Variants in RHOBTB1 observed in about 807,000 individuals in gnomAD.
RHOBTB1 encodes rho-related BTB domain-containing protein 1.
A neutral mutation model predicts 71.6 loss-of-function variants in RHOBTB1; 40 were observed. The ratio of observed to expected loss-of-function variants is 0.56; its 90% CI spans 0.43 to 0.73. RHOBTB1 has a LOEUF of 0.73. RHOBTB1 is among the 30% of genes least tolerant of loss of function. The probability of loss-of-function intolerance (pLI) is 0.00; values close to 1 mark genes in which losing one functional copy is unlikely to be tolerated. For synonymous variants in RHOBTB1, 319 were observed against 334.9 expected (o/e 0.95, Z 0.52); for missense variants, 797 against 894.0 (o/e 0.89, Z 1.38).
intron 2 of RHOBTB1, 85 bp from the exon 3 acceptor site, chr10:60,911,637 C>T (rs1478253464): frequency 1.8e-6 from 2 of 1,095,424 alleles, no homozygotes; most frequent in Admixed American, 1.8e-5. Flanking sequence ...GGAGTTTTGC[C>T]TTCGTCCAGC....
At chr10:60,954,139 T>C (rs987190737) in intron 2 of RHOBTB1, among the ~76,000 whole-genome samples, 16 of 152,306 alleles carry the variant, frequency 1.1e-4, no homozygotes, top group Middle Eastern at 6.8e-3. Context: ...GGTGAGAATA[T>C]AGACCATTGG....
intron 2 of RHOBTB1, among the ~76,000 whole-genome samples, chr10:60,964,651 T>C (rs193126513): frequency 6.6e-6 from 1 of 152,228 alleles, no homozygotes; most frequent in East Asian, 1.9e-4. Flanking sequence ...AATGTGTTAG[T>C]CATTGTTTAG....
At chr10:60,909,041 C>T (rs1015530231) in intron 4 of RHOBTB1, among the ~76,000 whole-genome samples, 2 of 152,232 alleles carry the variant, frequency 1.3e-5, no homozygotes, top group African/African-American at 2.4e-5. Context: ...CACTTTGAAC[C>T]GATGGAGTCA....
At chr10:60,880,203 G>T (rs1417720001) in intron 7 of RHOBTB1, among the ~76,000 whole-genome samples, 1 of 101,888 alleles carries the variant, frequency 9.8e-6, no homozygotes, top group Admixed American at 9.0e-5. Context: ...GTGTGTGTGT[G>T]AGAGAGAGAG....
chr10:60,887,440 C>T (rs2081640383), intron 6 of RHOBTB1, among the ~76,000 whole-genome samples: 2 of 152,238 alleles, frequency 1.3e-5, no homozygotes, highest in East Asian at 3.9e-4. Flanking sequence ...ACACACCAGC[C>T]CAGAGAACAA....
intron 2 of RHOBTB1, among the ~76,000 whole-genome samples, chr10:60,927,481 A>G (rs918106984): frequency 2.6e-5 from 4 of 152,208 alleles, no homozygotes; most frequent in African/African-American, 7.2e-5. Flanking sequence ...AAGCTATAGT[A>G]ACCAAAAAAG....
intron 4 of RHOBTB1, among the ~76,000 whole-genome samples, chr10:60,905,702 T>G (rs10994572): frequency 0.15 from 23,129 of 152,064 alleles, 1,932 homozygotes; most frequent in African/African-American, 0.2. Flanking sequence ...CCTGGTCCAC[T>G]TGAAGTTTCA....
intron 1 of RHOBTB1, among the ~76,000 whole-genome samples, chr10:60,999,796 GCTGA>G (rs1408856617): frequency 5.3e-5 from 8 of 152,220 alleles, no homozygotes; most frequent in Admixed American, 3.9e-4. Context: ...ATGAACCAGG[GCTGA>G]CTATTTCTTA....
chr10:60,955,458 A>G (rs945580154), intron 2 of RHOBTB1, among the ~76,000 whole-genome samples: 2 of 152,196 alleles, frequency 1.3e-5, no homozygotes, highest in Non-Finnish European at 2.9e-5. Flanking sequence ...ACATGGATCA[A>G]TCATGCACAG....
intron 2 of RHOBTB1, among the ~76,000 whole-genome samples, chr10:60,953,937 T>G (rs1006538147): frequency 2.0e-5 from 3 of 150,628 alleles, no homozygotes; most frequent in African/African-American, 7.3e-5. Context: ...AAAGAAACAT[T>G]AAGTTATATA....
intron 4 of RHOBTB1, among the ~76,000 whole-genome samples, chr10:60,897,936 C>G (rs1346300827): frequency 6.6e-6 from 1 of 152,068 alleles, no homozygotes; most frequent in East Asian, 1.9e-4. Context: ...GAACTCCTGA[C>G]CTTGTGATCT....
intron 4 of RHOBTB1, among the ~76,000 whole-genome samples, chr10:60,906,105 A>G (rs574494141): frequency 6.6e-6 from 1 of 152,328 alleles, no homozygotes; most frequent in South Asian, 2.1e-4. Flanking sequence ...CTAAGAATAA[A>G]CTAGATAATA....
intron 7 of RHOBTB1, among the ~76,000 whole-genome samples, chr10:60,881,170 T>TA (rs980024605): frequency 6.6e-6 from 1 of 152,200 alleles, no homozygotes; most frequent in African/African-American, 2.4e-5. Flanking sequence ...TGCTGCCATG[T>TA]AAGATGTGCC....
At chr10:60,982,915 A>G (rs1010066943) in intron 2 of RHOBTB1, among the ~76,000 whole-genome samples, 2 of 152,162 alleles carry the variant, frequency 1.3e-5, no homozygotes, top group African/African-American at 4.8e-5. Context: ...TATGGTGGGC[A>G]TGGAGCAGTG....
chr10:60,911,166 C>T (rs780748352), intron 3 of RHOBTB1, among the ~76,000 whole-genome samples, 176 bp from the exon 4 acceptor site: 14 of 152,178 alleles, frequency 9.2e-5, no homozygotes, highest in Non-Finnish European at 1.8e-4. Context: ...TGTCTCAACC[C>T]TCATTCAGGA....
At chr10:60,862,659 CTTT>C in the RHOBTB1 span, among the ~76,000 whole-genome samples, 3 of 125,442 alleles carry the variant, frequency 2.4e-5, no homozygotes, top group Admixed American at 8.4e-5. Context: ...TTTCTTTTTT[CTTT>C]TTTTCTTTCC....
intron 1 of RHOBTB1, among the ~76,000 whole-genome samples, chr10:60,943,652 C>T (rs1171722426): frequency 1.3e-5 from 2 of 152,218 alleles, no homozygotes; most frequent in Non-Finnish European, 2.9e-5. Context: ...CGGCGCGGCA[C>T]CACCCCCTCC....
intron 7 of RHOBTB1, among the ~76,000 whole-genome samples, chr10:60,880,775 A>C (rs74157868): frequency 2.4e-4 from 36 of 152,296 alleles, no homozygotes; most frequent in African/African-American, 8.2e-4. Flanking sequence ...TGAATAATTA[A>C]TTATTCAACT....
At chr10:60,890,214 C>T (rs2081847952) in intron 5 of RHOBTB1, among the ~76,000 whole-genome samples, 1 of 152,008 alleles carries the variant, frequency 6.6e-6, no homozygotes, top group Admixed American at 6.5e-5. Context: ...CAAATCTTTG[C>T]CTTCTTTTTT....
Sources: allele counts gnomAD v4.1 joint callset (sites outside exome capture counted in the v4.1 genomes callset), GRCh38; gene constraint gnomAD v4.1.1; transcripts MANE v1.5; gene names NCBI Gene and HGNC (gene_info 2026-07-23, HGNC 2026-07-21).